Variants in ANOS1 observed in about 807,000 individuals in gnomAD.
ANOS1 encodes anosmin 1.
Under a neutral mutation model 59.0 loss-of-function variants are expected in ANOS1, and 6 were observed. The ratio of observed to expected loss-of-function variants is 0.10; its 90% confidence interval spans 0.06 to 0.20. The LOEUF (loss-of-function observed/expected upper bound fraction) is 0.20, where lower values mean the gene tolerates loss of function less well. Among genes scored for constraint, ANOS1 ranks in the 10% least tolerant of loss-of-function variants. ANOS1 has a pLI of 1.00. For synonymous variants in ANOS1, 217 were observed against 223.4 expected, an observed-to-expected ratio of 0.97 and a Z score of 0.25; for missense variants, 433 against 542.3, an observed-to-expected ratio of 0.80 and a Z score of 2.00.
intron 6 of ANOS1, among the ~76,000 whole-genome samples, chrX:8,577,559 G>C (rs748673762): frequency 1.8e-5 from 2 of 112,508 alleles, no homozygotes; most frequent in African/African-American, 6.5e-5. Context: ...GATTACCAAC[G>C]TAAAATATGC....
chrX:8,582,629 G>A (rs755044900), intron 6 of ANOS1, among the ~76,000 whole-genome samples: 2 of 111,420 alleles, frequency 1.8e-5, no homozygotes, highest in South Asian at 7.6e-4. Flanking sequence ...TCACTCAGGT[G>A]GCTGCGTTGA....
At chrX:8,580,880 T>C (rs1204659715) in intron 6 of ANOS1, among the ~76,000 whole-genome samples, 1 of 111,780 alleles carries the variant, frequency 8.9e-6, no homozygotes, top group Non-Finnish European at 1.9e-5. Flanking sequence ...CCAAATACAC[T>C]AGATAATTGC....
intron 6 of ANOS1, 38 bp from the exon 7 acceptor site, chrX:8,570,742 C>T (rs748513934): frequency 2.7e-6 from 3 of 1,096,837 alleles, no homozygotes; most frequent in South Asian, 1.9e-5. Flanking sequence ...TATGACTCCA[C>T]AAAACTAACA....
intron 6 of ANOS1, among the ~76,000 whole-genome samples, chrX:8,574,730 T>G (rs1356980229): frequency 8.9e-6 from 1 of 111,811 alleles, no homozygotes; most frequent in Non-Finnish European, 1.9e-5. Flanking sequence ...CTTTGGAGTT[T>G]TGGGGACTTG....
intron 11 of ANOS1, 59 bp from the exon 12 acceptor site, chrX:8,535,870 G>A: frequency 2.2e-5 from 22 of 980,390 alleles, no homozygotes; most frequent in Non-Finnish European, 3.2e-5. Context: ...GTGCCCAAGG[G>A]ATCCATTGTA....
intron 4 of ANOS1, among the ~76,000 whole-genome samples, chrX:8,588,560 C>T (rs1017187986): frequency 1.8e-5 from 2 of 111,885 alleles, no homozygotes; most frequent in African/African-American, 3.2e-5. Context: ...TTTTGGATTC[C>T]GCAATCAATT....
At chrX:8,720,656 C>T (rs949885965) in intron 1 of ANOS1, among the ~76,000 whole-genome samples, 32 of 111,441 alleles carry the variant, frequency 2.9e-4, no homozygotes, top group African/African-American at 9.8e-4. Context: ...GATCTCAGTA[C>T]TTTGGGAGGC....
rs1381203724 is a variant in ANOS1, at chrX:8,715,699, A to G, written c.208-15954T>C. 2.7e-5 allele frequency among the ~76,000 whole-genome samples: 3 copies of G among 111,237 alleles called. No homozygotes were observed. In the Admixed American group the frequency reaches 2.9e-4, roughly 11 times the overall value. Reference sequence around the variant, plus strand: ...CTTAAATTAAAAAATTAAGTTTTTAAATCTCTTTTGGAAGTGGAGGGGTCT... The same window carrying G: ...CTTAAATTAAAAAATTAAGTTTTTAGATCTCTTTTGGAAGTGGAGGGGTCT... On this transcript the variant is annotated intron_variant, in intron 1 of 13. Coordinates refer to ENST00000262648, the MANE Select transcript of ANOS1 (RefSeq NM_000216.4).
chrX:8,660,374 C>T (rs1932016502), intron 2 of ANOS1, among the ~76,000 whole-genome samples: 1 of 111,867 alleles, frequency 8.9e-6, no homozygotes, highest in African/African-American at 3.3e-5. Context: ...ACATACTTCT[C>T]CCTGATGAGT....
chrX:8,591,016 T>C (rs1465172788), intron 4 of ANOS1, among the ~76,000 whole-genome samples: 1 of 111,861 alleles, frequency 8.9e-6, no homozygotes, highest in African/African-American at 3.2e-5. Context: ...ATAGAACGTT[T>C]TTATTACACT....
chrX:8,627,243 A>C (rs1931411995), intron 2 of ANOS1, among the ~76,000 whole-genome samples: 1 of 112,548 alleles, frequency 8.9e-6, no homozygotes, highest in Admixed American at 9.4e-5. Flanking sequence ...AAATTATAAA[A>C]ATATGCTGCT....
At chrX:8,557,961 T>C (rs1254649053) in intron 8 of ANOS1, among the ~76,000 whole-genome samples, 3 of 111,913 alleles carry the variant, frequency 2.7e-5, no homozygotes, top group Non-Finnish European at 5.6e-5. Flanking sequence ...AAAGAAAATG[T>C]GGCATACACA....
intron 3 of ANOS1, among the ~76,000 whole-genome samples, chrX:8,622,798 G>C (rs1341055788): frequency 1.8e-5 from 2 of 112,174 alleles, no homozygotes; most frequent in Non-Finnish European, 3.8e-5. Flanking sequence ...ATTCCATAGG[G>C]AAGACAGTCC....
intron 2 of ANOS1, among the ~76,000 whole-genome samples, chrX:8,631,894 T>A (rs767663526): frequency 2.7e-5 from 3 of 112,062 alleles, no homozygotes; most frequent in Non-Finnish European, 3.8e-5. Flanking sequence ...GGACTGGACA[T>A]GAACGTACAG....
chrX:8,572,909 G>T (rs1210046039), intron 6 of ANOS1, among the ~76,000 whole-genome samples: 1 of 110,839 alleles, frequency 9.0e-6, no homozygotes, highest in Non-Finnish European at 1.9e-5. Context: ...TTTTCCTGTC[G>T]TTATTGGAAT....
At position 8,608,479 on chromosome X, in the gene ANOS1, A is replaced by T. The variant is rs192762745; in HGVS notation, c.319-11223T>A. Reference sequence around the variant, plus strand: ...CTGTCAAATTCTACAAACTCATCACATCCATCCAAGATACAAGAAAAAAAA... The same window carrying T: ...CTGTCAAATTCTACAAACTCATCACTTCCATCCAAGATACAAGAAAAAAAA... On this transcript the variant is annotated intron_variant, in intron 3 of 13. Coordinates refer to ENST00000262648, the MANE Select transcript of ANOS1 (RefSeq NM_000216.4). 9.9e-5 allele frequency among the ~76,000 whole-genome samples: 11 copies of T among 111,128 alleles called. No individual in the cohort carries two copies. The East Asian group carries it at 3.1e-3, about 31-fold the overall frequency.
intron 9 of ANOS1, among the ~76,000 whole-genome samples, chrX:8,545,860 C>A (rs1207657360): frequency 8.9e-6 from 1 of 112,268 alleles, no homozygotes; most frequent in African/African-American, 3.2e-5. Context: ...GAGCAAGATT[C>A]TTTTCTTCCC....
chrX:8,593,579 C>T (rs1930657647), intron 4 of ANOS1, among the ~76,000 whole-genome samples: 1 of 111,744 alleles, frequency 8.9e-6, no homozygotes, highest in Admixed American at 9.5e-5. Context: ...TATTCATTAG[C>T]CTAAAATGAT....
At chrX:8,634,031 C>G (rs1204528303) in intron 2 of ANOS1, among the ~76,000 whole-genome samples, 1 of 111,570 alleles carries the variant, frequency 9.0e-6, no homozygotes, top group African/African-American at 3.3e-5. Flanking sequence ...GGCGTTACAT[C>G]AATGTTAAAT....
Sources: allele counts gnomAD v4.1 joint callset (sites outside exome capture counted in the v4.1 genomes callset), GRCh38; gene constraint gnomAD v4.1.1; transcripts MANE v1.5; gene names NCBI Gene and HGNC (gene_info 2026-07-23, HGNC 2026-07-21).